The following WDR62 variants were observed in gnomAD, a reference collection of about 807,000 sequenced individuals.
The protein encoded by WDR62 is WD repeat-containing protein 62.
WDR62 carries 112 observed loss-of-function variants against 160.6 expected under a neutral mutation model. The observed-to-expected ratio is 0.70, with a 90% CI of 0.60 to 0.82. The LOEUF (loss-of-function observed/expected upper bound fraction) is 0.82, where lower values mean the gene tolerates loss of function less well. Among genes scored for constraint, WDR62 ranks in the 40% least tolerant of loss-of-function variants. The pLI, the probability that WDR62 is intolerant of heterozygous loss-of-function variation, is 0.00. For synonymous variants in WDR62, 792 were observed against 815.1 expected (o/e 0.97, Z 0.48); for missense variants, 1,819 against 1,983.8 (o/e 0.92, Z 1.58).
At position 36,055,077 on chromosome 19, in the gene WDR62, C is replaced by T; in HGVS notation, c.106C>T (p.Pro36Ser). 4 of 1,599,884 alleles carry T rather than the reference C, an allele frequency of 2.5e-6. No individual in the cohort carries two copies. Among genetic ancestry groups the T allele is most frequent in the Non-Finnish European group, 2.6e-6 (3 of 1,174,634 alleles). Reference sequence around the variant, plus strand: ...GCGGAGGGGCCAGTCCTCCCCGCCCCCCGCCCCACCAATCTGCCTACGGCG... The same window carrying T: ...GCGGAGGGGCCAGTCCTCCCCGCCCTCCGCCCCACCAATCTGCCTACGGCG... The part of the protein sequence containing the change: ...PARRGQSSPP[P>S]APPICLRRRT... The change falls in exon 1 of 32, where the codon CCC (proline) becomes TCC (serine). Residue 36 changes from proline to serine, a missense_variant. Transcript: ENST00000401500.
rs17851502 is a variant in WDR62, at chr19:36,103,161, C to A, written c.3468C>A (p.Leu1156=). The A allele has an allele frequency of 6.2e-7, 1 of 1,613,940 alleles. No homozygotes were observed. Among genetic ancestry groups the A allele is most frequent in the Non-Finnish European group, 8.5e-7 (1 of 1,179,990 alleles). ...GYASPDRTHV[L]AAGKAEETLE... ...CCTCAGAGCTGTGCCTGCAGGTCCT[C>A]GCTGCAGGGAAGGCTGAAGAGACCC... Residue 1156 remains leucine, a synonymous_variant, in exon 29 of 32, where the codon CTC becomes CTA. Coordinates refer to ENST00000401500, the MANE Select transcript of WDR62 (RefSeq NM_001083961.2).
At chr19:36,101,815 C>A in intron 25 of WDR62, 41 bp downstream of exon 25, 1 of 1,531,298 alleles carries the variant, frequency 6.5e-7, no homozygotes, top group South Asian at 1.2e-5. Flanking sequence ...GCTGCTCGGG[C>A]CTGGCTTAGG....
intron 9 of WDR62, among the ~76,000 whole-genome samples, chr19:36,076,450 TG>T (rs980596654): frequency 8.6e-5 from 13 of 151,662 alleles, no homozygotes; most frequent in African/African-American, 2.9e-4. Context: ...CCTAGCTACT[TG>T]GGAGGCTGAG....
chr19:36,108,069 GAGAA>G (rs1019429249), downstream of WDR62, among the ~76,000 whole-genome samples: 29 of 152,094 alleles, frequency 1.9e-4, no homozygotes, highest in African/African-American at 6.5e-4. Context: ...AAGGCACAAA[GAGAA>G]GGAACAAGAA....
intron 22 of WDR62, 124 bp downstream of exon 22, chr19:36,099,741 GA>G: frequency 1.0e-6 from 1 of 976,066 alleles, no homozygotes; most frequent in Non-Finnish European, 1.6e-6. Context: ...TGAAGGGCAG[GA>G]GGGTGAGCCC....
In WDR62 at chr19:36,095,485, C is replaced by G. The variant is rs1438577366; in HGVS notation, c.2467+1321C>G. On this transcript the variant is annotated intron_variant, in intron 20 of 31. Coordinates refer to ENST00000401500, the MANE Select transcript of WDR62 (RefSeq NM_001083961.2). Reference sequence around the variant, plus strand: ...AGTCAGCTCCATCCACTCACACCACCTGACCAGGCATCAAAGATGTGTTTG... The same window carrying G: ...AGTCAGCTCCATCCACTCACACCACGTGACCAGGCATCAAAGATGTGTTTG... Among the ~76,000 whole-genome samples, 3 of 152,220 alleles carry G rather than the reference C, an allele frequency of 2.0e-5. 1 individual carries two copies. The South Asian group carries it at 6.2e-4, about 31-fold the overall frequency.
chr19:36,072,951 C>T (rs1971377133), intron 8 of WDR62, among the ~76,000 whole-genome samples: 1 of 152,172 alleles, frequency 6.6e-6, no homozygotes. Context: ...AGGGACAGCT[C>T]CCCAGCCTCC....
At chr19:36,105,589 A>G (rs959581869), downstream of WDR62, among the ~76,000 whole-genome samples, 2 of 152,046 alleles carry the variant, frequency 1.3e-5, no homozygotes, top group Non-Finnish European at 2.9e-5. Context: ...GCCTGCACCT[A>G]TAATCCCGGC....
At chr19:36,091,122 G>C in intron 16 of WDR62, 78 bp from the exon 17 acceptor site, 1 of 1,257,448 alleles carries the variant, frequency 8.0e-7, no homozygotes, top group Non-Finnish European at 1.1e-6. Context: ...CATGCAGCAC[G>C]GGGGAGGGAG....
chr19:36,064,286 C>A (rs1467014554), intron 3 of WDR62, among the ~76,000 whole-genome samples: 10 of 151,918 alleles, frequency 6.6e-5, no homozygotes, highest in Non-Finnish European at 1.3e-4. Flanking sequence ...TTTTCTGTCT[C>A]TCTTTTTGAG....
At chr19:36,080,410 G>A (rs1235458431) in intron 9 of WDR62, among the ~76,000 whole-genome samples, 6 of 151,358 alleles carry the variant, frequency 4.0e-5, no homozygotes, top group East Asian at 3.9e-4. Context: ...CACCATGCCC[G>A]GCCTATTTTT....
intron 24 of WDR62, 21 bp downstream of exon 24, chr19:36,101,338 G>T: frequency 1.3e-6 from 2 of 1,591,044 alleles, no homozygotes; most frequent in Non-Finnish European, 1.7e-6. Context: ...GGCAGGCAGG[G>T]ACCCTGTGAC....
In WDR62 at chr19:36,101,789, G is replaced by C. The variant is rs755917693; in HGVS notation, c.3082+15G>C. 90 of 1,547,620 alleles carry C rather than the reference G, an allele frequency of 5.8e-5. No homozygotes were observed. The highest frequency in any genetic ancestry group is 7.6e-5 in the Non-Finnish European group (87 of 1,143,764). Reference sequence around the variant, plus strand: ...CCATTTCCCAGGTAAGCAGGGGCCAGACACGCAGGGGACTCGCTGCTCGGG... The same window carrying C: ...CCATTTCCCAGGTAAGCAGGGGCCACACACGCAGGGGACTCGCTGCTCGGG... On this transcript the variant is annotated intron_variant, in intron 25 of 31. Transcript: ENST00000401500.
chr19:36,083,615 G>A (rs1568347718), intron 11 of WDR62, among the ~76,000 whole-genome samples: 1 of 152,154 alleles, frequency 6.6e-6, no homozygotes, highest in East Asian at 1.9e-4. Context: ...GGGCTATGAG[G>A]GTGGGATAGC....
intron 10 of WDR62, chr19:36,081,772 A>G (rs189249159): frequency 9.8e-6 from 7 of 717,114 alleles, no homozygotes; most frequent in Admixed American, 6.1e-5. Flanking sequence ...GGCACGCTCT[A>G]TCCTCTCTGA....
intron 3 of WDR62, chr19:36,062,766 G>GA (rs768075653): frequency 4.0e-5 from 6 of 149,566 alleles, no homozygotes; most frequent in Non-Finnish European, 7.4e-5. Context: ...ATCAGGAAAT[G>GA]AAAATTGATA....
chr19:36,088,523 G>A (rs749555229), intron 13 of WDR62, among the ~76,000 whole-genome samples: 1 of 152,170 alleles, frequency 6.6e-6, no homozygotes, highest in Non-Finnish European at 1.5e-5. Context: ...GTTCAGTCCT[G>A]CCCCTGTCCT....
rs1305145462 is a variant in WDR62, at chr19:36,092,575, G to C, written c.2211-114G>C. ...GCGGATAGGGGTGTGTTTTCCAGGAGCATCTGGAGAATGGGGTCCAGGCTG... is the reference window on the plus strand; with the variant it reads ...GCGGATAGGGGTGTGTTTTCCAGGACCATCTGGAGAATGGGGTCCAGGCTG... On this transcript the variant is annotated intron_variant, in intron 18 of 31. Coordinates refer to ENST00000401500, the MANE Select transcript of WDR62 (RefSeq NM_001083961.2). 5.5e-6 allele frequency: 8 copies of C among 1,454,154 alleles called. No homozygotes were observed. The Admixed American group carries it at 1.4e-4, about 25-fold the overall frequency. 90.1% of individuals were successfully genotyped at this position (1,454,154 alleles called of 1,614,324 possible). A position where few individuals can be genotyped will look rare whatever the true frequency, so the allele number is the denominator to read the frequency against.
At chr19:36,082,775 C>A (rs1002516642) in intron 10 of WDR62, among the ~76,000 whole-genome samples, 1 of 152,214 alleles carries the variant, frequency 6.6e-6, no homozygotes, top group African/African-American at 2.4e-5. Context: ...CCTCATGACC[C>A]AGTGTGGCTA....
Sources: gnomAD v4.1 joint callset for allele counts (sites outside exome capture counted in the v4.1 genomes callset) on GRCh38, gnomAD v4.1.1 for gene constraint, MANE v1.5 for transcripts, NCBI Gene and HGNC (gene_info 2026-07-23, HGNC 2026-07-21) for gene names.